Variants in KCNG2 observed in about 807,000 individuals in gnomAD.
KCNG2 encodes voltage-gated potassium channel regulatory subunit KCNG2.
A neutral mutation model predicts 12.3 loss-of-function variants in KCNG2; 7 were observed. The ratio of observed to expected loss-of-function variants is 0.57; its 90% CI spans 0.32 to 1.07. The LOEUF (loss-of-function observed/expected upper bound fraction) is 1.07, where lower values mean the gene tolerates loss of function less well. Among genes scored for constraint, KCNG2 ranks in the 50% least tolerant of loss-of-function variants. The probability of loss-of-function intolerance (pLI) is 0.04; values close to 1 mark genes in which losing one functional copy is unlikely to be tolerated. For missense variants in KCNG2, 703 were observed against 726.0 expected (o/e 0.97, Z 0.36); for synonymous variants, 414 against 351.4 (o/e 1.18, Z -1.99).
At chr18:79,894,163 C>G (rs1980855941) in intron 3 of KCNG2, among the ~76,000 whole-genome samples, 2 of 150,642 alleles carry the variant, frequency 1.3e-5, no homozygotes. Flanking sequence ...CCATTCACAT[C>G]TAATGTTATG....
chr18:79,869,329 G>C (rs550759684), intron 3 of KCNG2, among the ~76,000 whole-genome samples: 27 of 152,294 alleles, frequency 1.8e-4, no homozygotes, highest in Admixed American at 1.4e-3. Flanking sequence ...CGGCGGGTGC[G>C]GAAGAAATAG....
In KCNG2 at chr18:79,878,373, G is replaced by A. The variant is rs550147745; in HGVS notation, c.624+14082G>A. Among the ~76,000 whole-genome samples, 133 of 133,594 alleles carry A rather than the reference G, an allele frequency of 1.0e-3. 4 individuals are homozygous for A. Among genetic ancestry groups the A allele is most frequent in the African/African-American group, 3.6e-3 (131 of 36,780 alleles). The allele number at this position is 133,594 out of a possible 152,430, so 87.6% of individuals were successfully genotyped here. A position where few individuals can be genotyped will look rare whatever the true frequency, so the allele number is the denominator to read the frequency against. ...TGTGCGGAGGGCGCCTGATGCCCAT[G>A]TGGCAGTGTGCGGAGGGCGCCTGAT... is the stretch of plus-strand genomic sequence containing the variant. On this transcript the variant is annotated intron_variant, in intron 3 of 3. Transcript: ENST00000316249.
intron 3 of KCNG2, among the ~76,000 whole-genome samples, chr18:79,896,284 GT>G (rs763070350): frequency 1.1e-3 from 164 of 144,720 alleles, no homozygotes; most frequent in Middle Eastern, 3.6e-3. Flanking sequence ...ATATTTTAAA[GT>G]TTTTTTTTTT....
At chr18:79,898,589 G>T (rs796107955) in intron 3 of KCNG2, among the ~76,000 whole-genome samples, 14 of 152,290 alleles carry the variant, frequency 9.2e-5, no homozygotes, top group African/African-American at 3.4e-4. Context: ...TGGGGGTGGG[G>T]GTCTGTGTTC....
chr18:79,806,982 C>A (rs1170265444), intron 1 of KCNG2, among the ~76,000 whole-genome samples: 1 of 152,198 alleles, frequency 6.6e-6, no homozygotes, highest in African/African-American at 2.4e-5. Flanking sequence ...CCACCAGGGG[C>A]AAACTTCCTC....
intron 2 of KCNG2, among the ~76,000 whole-genome samples, chr18:79,862,196 T>C (rs1238250508): frequency 4.6e-5 from 7 of 152,240 alleles, no homozygotes; most frequent in Admixed American, 2.6e-4. Flanking sequence ...TTGTAATTTT[T>C]TGTTGAAAAT....
At chr18:79,876,513 T>C (rs1980078072) in intron 3 of KCNG2, among the ~76,000 whole-genome samples, 2 of 152,224 alleles carry the variant, frequency 1.3e-5, no homozygotes, top group Non-Finnish European at 2.9e-5. Context: ...GCTGAGCCGT[T>C]GTTCGACCCA....
intron 3 of KCNG2, among the ~76,000 whole-genome samples, chr18:79,880,222 A>G (rs905425788): frequency 6.6e-6 from 1 of 151,400 alleles, no homozygotes; most frequent in African/African-American, 2.4e-5. Flanking sequence ...AGCATTTAGA[A>G]GTAGGGATAG....
At chr18:79,857,365 T>C (rs987454785) in intron 2 of KCNG2, among the ~76,000 whole-genome samples, 1 of 151,734 alleles carries the variant, frequency 6.6e-6, no homozygotes, top group Non-Finnish European at 1.5e-5. Context: ...AGGAGCTTTC[T>C]CCCATTCAGA....
chr18:79,853,017 C>T (rs932544221), intron 1 of KCNG2, among the ~76,000 whole-genome samples: 1 of 152,244 alleles, frequency 6.6e-6, no homozygotes, highest in Non-Finnish European at 1.5e-5. Flanking sequence ...CGCGTGGATG[C>T]CCCGTGTGTG....
intron 2 of KCNG2, among the ~76,000 whole-genome samples, chr18:79,856,954 T>C (rs1459113124): frequency 3.2e-5 from 4 of 125,878 alleles, no homozygotes; most frequent in African/African-American, 1.2e-4. Flanking sequence ...AAGCAGCTGA[T>C]TGCTTTTGAA....
intron 1 of KCNG2, among the ~76,000 whole-genome samples, chr18:79,852,280 G>A (rs1028058875): frequency 1.3e-5 from 2 of 152,372 alleles, no homozygotes; most frequent in East Asian, 1.9e-4. Flanking sequence ...CGTGGGCATC[G>A]TTATTTCCAA....
chr18:79,890,607 A>T (rs773203628), intron 3 of KCNG2, among the ~76,000 whole-genome samples: 1 of 152,190 alleles, frequency 6.6e-6, no homozygotes, highest in Non-Finnish European at 1.5e-5. Context: ...GCTTAGGATA[A>T]TAGCCTCCAG....
At chr18:79,830,145 C>G (rs963027092) in intron 1 of KCNG2, among the ~76,000 whole-genome samples, 3 of 152,164 alleles carry the variant, frequency 2.0e-5, no homozygotes, top group Non-Finnish European at 4.4e-5. Context: ...TCCACGGAGC[C>G]CAGTGGAACC....
intron 1 of KCNG2, among the ~76,000 whole-genome samples, chr18:79,812,316 T>C (rs2087498762): frequency 6.6e-6 from 1 of 152,106 alleles, no homozygotes; most frequent in South Asian, 2.1e-4. Flanking sequence ...AGTGCTTAGA[T>C]TAGAAGAGAC....
intron 1 of KCNG2, among the ~76,000 whole-genome samples, chr18:79,818,152 T>A (rs1432446703): frequency 6.6e-6 from 1 of 152,192 alleles, no homozygotes; most frequent in Non-Finnish European, 1.5e-5. Flanking sequence ...CTGTCCTGGA[T>A]CCATGTGTGG....
Position 79,899,056 on chromosome 18 carries a change from A to C in KCNG2, c.641A>C (p.Lys214Thr). The C allele has an allele frequency of 6.4e-7, 1 of 1,571,406 alleles. No individual in the cohort carries two copies. The highest frequency in any genetic ancestry group is 8.6e-7 in the Non-Finnish European group (1 of 1,162,062). Residue 214 changes from lysine (K) to threonine (T), a missense_variant, in exon 4 of 4, where the codon AAG becomes ACG. Lys to Thr is a moderately conservative substitution (Grantham distance 78, BLOSUM62 -1). Transcript: ENST00000316249. The stretch of plus-strand genomic sequence containing the variant: ...TCCCCGCAGGGCGAGTGCTCCCCCA[A>C]GTGCCGCAGCCTGTTCGTGCTGGAG... ...AEEERGECSPKCRSLFVLETV... is the reference protein window; with the variant it reads ...AEEERGECSPTCRSLFVLETV...
At chr18:79,882,323 ATAT>A (rs1030525160) in intron 3 of KCNG2, among the ~76,000 whole-genome samples, 1 of 152,236 alleles carries the variant, frequency 6.6e-6, no homozygotes, top group Non-Finnish European at 1.5e-5. Context: ...AGCCTGGGCA[ATAT>A]AGCAAGACCC....
Position 79,899,320 on chromosome 18 carries a change from C to A in KCNG2, c.905C>A (p.Ala302Glu). The A allele has an allele frequency of 1.3e-6, 2 of 1,550,406 alleles. No individual in the cohort carries two copies. ...ALRVLYVMRL[A>E]RHSLGLRSLG... ...CGCGTGCTCTACGTGATGCGCCTGG[C>A]GCGCCACTCGCTGGGGCTGCGTTCG... Residue 302 changes from alanine (A) to glutamate (E), a missense_variant, in exon 4 of 4, where the codon GCG (alanine) becomes GAG (glutamate). Transcript: ENST00000316249.
Sources: allele counts gnomAD v4.1 joint callset (sites outside exome capture counted in the v4.1 genomes callset), GRCh38; gene constraint gnomAD v4.1.1; transcripts MANE v1.5; gene names NCBI Gene and HGNC (gene_info 2026-07-23, HGNC 2026-07-21).